HOPX: variants seen among roughly 807,000 people sequenced by gnomAD.
HOPX encodes HOP homeobox, also known as homeodomain-only protein.
A neutral mutation model predicts 11.8 loss-of-function variants in HOPX; 5 were observed. The observed-to-expected ratio is 0.43, with a 90% CI of 0.22 to 0.89. HOPX has a LOEUF of 0.89. Among genes scored for constraint, HOPX ranks in the 40% least tolerant of loss-of-function variants. The pLI, the probability that HOPX is intolerant of heterozygous loss-of-function variation, is 0.28. For synonymous variants in HOPX, 49 were observed against 49.7 expected (o/e 0.99, Z 0.06); for missense variants, 119 against 120.0 (o/e 0.99, Z 0.04).
intron 1 of HOPX, among the ~76,000 whole-genome samples, chr4:56,661,337 G>A (rs2109504318): frequency 6.6e-6 from 1 of 152,256 alleles, no homozygotes; most frequent in African/African-American, 2.4e-5. Flanking sequence ...AATTTATGTA[G>A]TAGATGTCTT....
intron 1 of HOPX, among the ~76,000 whole-genome samples, chr4:56,667,699 C>T (rs1272334951): frequency 6.6e-6 from 1 of 152,168 alleles, no homozygotes; most frequent in East Asian, 1.9e-4. Flanking sequence ...GAGTGAAAAA[C>T]AGCCTCCTGT....
At chr4:56,658,148 A>C (rs989028831) in intron 1 of HOPX, among the ~76,000 whole-genome samples, 2 of 152,106 alleles carry the variant, frequency 1.3e-5, no homozygotes, top group African/African-American at 2.4e-5. Context: ...CTTCCATGAA[A>C]ATTTTGTCTT....
At chr4:56,678,458 TTTTTTGA>T (rs1719138510) in intron 1 of HOPX, among the ~76,000 whole-genome samples, 1 of 145,646 alleles carries the variant, frequency 6.9e-6, no homozygotes. Flanking sequence ...TTTTTTTTTT[TTTTTTGA>T]GACGGAGTCT....
At position 56,673,750 on chromosome 4, in the gene HOPX, A is replaced by G. The variant is rs545774528; in HGVS notation, c.-84+7505T>C. On this transcript the variant is annotated intron_variant, in intron 1 of 3. Transcript: ENST00000420433. ...TGTGTAGTCTCGCTCTGTCACCCAG[A>G]CTGGAGTGCAGTGCTGTGATCTTGG... is the stretch of plus-strand genomic sequence containing the variant. Among the ~76,000 whole-genome samples, 21 of 146,392 alleles carry G rather than the reference A, an allele frequency of 1.4e-4. No homozygotes were observed. The South Asian group carries it at 4.2e-3, about 29-fold the overall frequency.
At position 56,655,924 on chromosome 4, in the gene HOPX, T is replaced by C. The variant is rs372412335; in HGVS notation, c.131A>G (p.Lys44Arg). 5 of 1,611,936 alleles carry C rather than the reference T, an allele frequency of 3.1e-6. No homozygotes were observed. Among genetic ancestry groups the C allele is most frequent in the Non-Finnish European group, 2.5e-6 (3 of 1,179,112 alleles). ...ILEYNFNKVDKHPDSTTLCLI... is the reference protein window; with the variant it reads ...ILEYNFNKVDRHPDSTTLCLI... ...GCACAGCGTGGTGGAATCCGGGTGCTTGTCGACCTTGTTGAAGTTGTACTC... is the reference window on the plus strand; with the variant it reads ...GCACAGCGTGGTGGAATCCGGGTGCCTGTCGACCTTGTTGAAGTTGTACTC... The change falls in exon 3 of 4, where the codon AAG becomes AGG. Residue 44 changes from lysine (K) to arginine (R), a missense_variant. Lys to Arg is a conservative substitution (Grantham distance 26). Coordinates refer to ENST00000420433, the MANE Select transcript of HOPX (RefSeq NM_032495.6).
chr4:56,671,596 AT>A (rs368008033), intron 1 of HOPX, among the ~76,000 whole-genome samples: 5 of 151,900 alleles, frequency 3.3e-5, no homozygotes, highest in Admixed American at 6.6e-5. Context: ...TATGGACCTG[AT>A]TTTTTTCCCC....
chr4:56,650,826 G>A (rs1717101914), intron 3 of HOPX: 3 of 1,532,348 alleles, frequency 2.0e-6, no homozygotes, highest in African/African-American at 1.4e-5. Flanking sequence ...CATGAGAAGA[G>A]AGAACTCATG....
At chr4:56,679,004 T>G (rs1320296308) in intron 1 of HOPX, 1 of 152,420 alleles carries the variant, frequency 6.6e-6, no homozygotes, top group African/African-American at 2.4e-5. Context: ...ACACCTGTAA[T>G]CCCAGCACTT....
intron 1 of HOPX, among the ~76,000 whole-genome samples, chr4:56,672,294 T>G (rs1168998397): frequency 6.6e-6 from 1 of 151,844 alleles, no homozygotes; most frequent in Non-Finnish European, 1.5e-5. Context: ...ATCCCAGCAC[T>G]TTGGGAGGCT....
At chr4:56,663,343 AG>A (rs1428893517) in intron 1 of HOPX, 1 of 152,154 alleles carries the variant, frequency 6.6e-6, no homozygotes. Context: ...ACACCCTCCT[AG>A]GTACCTCTTA....
At chr4:56,677,825 G>A (rs1404305912) in intron 1 of HOPX, among the ~76,000 whole-genome samples, 1 of 151,578 alleles carries the variant, frequency 6.6e-6, no homozygotes, top group Non-Finnish European at 1.5e-5. Context: ...AAAGACCCTG[G>A]ACTGCCAGAT....
intron 1 of HOPX, among the ~76,000 whole-genome samples, chr4:56,658,791 A>G (rs995813929): frequency 6.6e-6 from 1 of 152,224 alleles, no homozygotes; most frequent in Non-Finnish European, 1.5e-5. Context: ...CACAAGTTTT[A>G]TTGTTGTGGC....
chr4:56,681,388 G>T, upstream of HOPX: 1 of 985,396 alleles, frequency 1.0e-6, no homozygotes, highest in Non-Finnish European at 1.2e-6. Context: ...GCACACACTC[G>T]AGCAAGGACC....
intron 3 of HOPX, 22 bp downstream of exon 3, chr4:56,655,835 C>T (rs1261554696): frequency 8.1e-6 from 13 of 1,607,270 alleles, no homozygotes; most frequent in Non-Finnish European, 1.1e-5. Context: ...TCGGGGCGCG[C>T]TGGGCGCGTG....
At chr4:56,661,658 TTATCCATGAATAG>T (rs1718146598) in intron 1 of HOPX, among the ~76,000 whole-genome samples, 2 of 152,226 alleles carry the variant, frequency 1.3e-5, no homozygotes, top group Non-Finnish European at 2.9e-5. Flanking sequence ...TGTGTTCTTT[TTATCCATGAATAG>T]TATCTAAGCC....
chr4:56,661,493 AG>A (rs1044607614), intron 1 of HOPX, among the ~76,000 whole-genome samples: 4 of 152,122 alleles, frequency 2.6e-5, no homozygotes, highest in African/African-American at 9.7e-5. Context: ...TGGTTTATAG[AG>A]TGTGTGCTGT....
chr4:56,666,404 A>C (rs1718445232), intron 1 of HOPX, among the ~76,000 whole-genome samples: 1 of 152,244 alleles, frequency 6.6e-6, no homozygotes, highest in African/African-American at 2.4e-5. Flanking sequence ...CAAGTCTCTC[A>C]GTAGTCCAGA....
intron 2 of HOPX, chr4:56,656,381 T>C (rs1416366079): frequency 4.8e-5 from 48 of 1,009,934 alleles, no homozygotes; most frequent in Non-Finnish European, 5.7e-5. Context: ...AGCGCGGGGG[T>C]GATTTTGAGA....
intron 3 of HOPX, among the ~76,000 whole-genome samples, chr4:56,653,719 T>G (rs1286906780): frequency 6.6e-6 from 1 of 152,172 alleles, no homozygotes; most frequent in Admixed American, 6.5e-5. Context: ...GCTAAGAGGC[T>G]GACTCACCCC....
Sources: gnomAD v4.1 joint callset for allele counts (sites outside exome capture counted in the v4.1 genomes callset) on GRCh38, gnomAD v4.1.1 for gene constraint, MANE v1.5 for transcripts, NCBI Gene and HGNC (gene_info 2026-07-23, HGNC 2026-07-21) for gene names.